Variants in PKP4 observed in about 807,000 individuals in gnomAD.
The protein encoded by PKP4 is plakophilin-4.
PKP4 carries 90 observed loss-of-function variants against 145.1 expected under a neutral mutation model. That is an observed-to-expected ratio of 0.62 (90% CI 0.52 to 0.74). The LOEUF (loss-of-function observed/expected upper bound fraction) is 0.74, where lower values mean the gene tolerates loss of function less well. Among genes scored for constraint, PKP4 ranks in the 30% least tolerant of loss-of-function variants. The probability of loss-of-function intolerance (pLI) is 0.00; values close to 1 mark genes in which losing one functional copy is unlikely to be tolerated. For missense variants in PKP4, 1,340 were observed against 1,482.7 expected (o/e 0.90, Z 1.58); for synonymous variants, 563 against 577.2 (o/e 0.98, Z 0.35).
chr2:158,562,362 G>A (rs2046605629), intron 2 of PKP4, among the ~76,000 whole-genome samples: 1 of 152,178 alleles, frequency 6.6e-6, no homozygotes, highest in Non-Finnish European at 1.5e-5. Context: ...AGGACATTAT[G>A]CTAAGTGAAA....
At chr2:158,585,651 T>C (rs2048738447) in intron 3 of PKP4, among the ~76,000 whole-genome samples, 1 of 152,158 alleles carries the variant, frequency 6.6e-6, no homozygotes, top group South Asian at 2.1e-4. Context: ...CTTTAACAGT[T>C]TATTACTTAT....
chr2:158,512,919 G>A (rs1574202203), intron 1 of PKP4, among the ~76,000 whole-genome samples: 1 of 152,230 alleles, frequency 6.6e-6, no homozygotes, highest in African/African-American at 2.4e-5. Context: ...TCAGGTGACT[G>A]TTGCCATTGT....
chr2:158,669,509 A>G (rs1266725233), intron 16 of PKP4: 1 of 386,896 alleles, frequency 2.6e-6, no homozygotes, highest in East Asian at 3.7e-5. Context: ...TAAATGAATC[A>G]TTTCTGCAAG....
At chr2:158,494,911 C>G (rs1695461366) in intron 1 of PKP4, among the ~76,000 whole-genome samples, 2 of 151,348 alleles carry the variant, frequency 1.3e-5, no homozygotes, top group South Asian at 4.2e-4. Context: ...TTTTAGTAGT[C>G]AGGAAAACTA....
chr2:158,580,518 T>C lies in PKP4; in HGVS notation c.245+3135T>C, dbSNP rs181005620. Among the ~76,000 whole-genome samples the C allele has an allele frequency of 3.9e-4, 60 of 152,330 alleles. No individual in the cohort carries two copies. In the East Asian group the frequency reaches 0.01, roughly 25 times the overall value. ...CTACTGGCTTATGAAATTGGAAAGG[T>C]GAAGCTGGCATTTAATTGTGAAGAA... On this transcript the variant is annotated intron_variant, in intron 3 of 21. Transcript: ENST00000389759.
intron 1 of PKP4, among the ~76,000 whole-genome samples, chr2:158,519,563 C>T (rs1459914001): frequency 6.6e-6 from 1 of 152,190 alleles, no homozygotes; most frequent in Non-Finnish European, 1.5e-5. Context: ...ATACTCTGAA[C>T]CTCGAGCTCT....
intron 7 of PKP4, among the ~76,000 whole-genome samples, chr2:158,626,044 T>G (rs903442612): frequency 1.3e-5 from 2 of 152,186 alleles, no homozygotes; most frequent in African/African-American, 4.8e-5. Flanking sequence ...TCCTACATGG[T>G]GTAAAGATTT....
chr2:158,651,344 A>C (rs1330660942), intron 11 of PKP4, among the ~76,000 whole-genome samples: 4 of 151,934 alleles, frequency 2.6e-5, no homozygotes, highest in Admixed American at 1.3e-4. Context: ...CTGGCTCCAA[A>C]TTCTCACTAC....
intron 1 of PKP4, among the ~76,000 whole-genome samples, chr2:158,529,739 C>CT (rs1348967055): frequency 6.6e-6 from 1 of 152,212 alleles, no homozygotes; most frequent in Non-Finnish European, 1.5e-5. Flanking sequence ...TCCCAATATG[C>CT]TGCTGAGCTA....
intron 1 of PKP4, among the ~76,000 whole-genome samples, chr2:158,470,041 C>T (rs1573956255): frequency 6.6e-6 from 1 of 152,174 alleles, no homozygotes; most frequent in African/African-American, 2.4e-5. Context: ...TTGCACATAA[C>T]TCTGCTTTGA....
Position 158,662,953 on chromosome 2 carries a change from GGT to G in PKP4, c.2270_2271del (p.Val757AlafsTer13). ...ACCTGTCCTATCGGCTGGAGCTGGAGGTGCCCCAGGCCCGGTTACTGGGACTG... is the reference window on the plus strand; with the variant it reads ...ACCTGTCCTATCGGCTGGAGCTGGAGGCCCCAGGCCCGGTTACTGGGACTG... ...RNLSYRLELE[V>X]PQARLLGLNE... is the part of the protein sequence containing the mutation. On this transcript the variant is annotated frameshift_variant, in exon 14 of 22. Transcript: ENST00000389759. LOFTEE classifies it high-confidence loss of function. The G allele has an allele frequency of 6.2e-7, 1 of 1,613,702 alleles. No individual in the cohort carries two copies. The highest frequency in any genetic ancestry group is 8.5e-7 in the Non-Finnish European group (1 of 1,179,928).
At chr2:158,472,100 A>G (rs1691661402) in intron 1 of PKP4, among the ~76,000 whole-genome samples, 2 of 152,212 alleles carry the variant, frequency 1.3e-5, no homozygotes, top group Non-Finnish European at 2.9e-5. Context: ...ATTGCACAGC[A>G]TGGTGAATAT....
chr2:158,470,127 A>G (rs1691316972), intron 1 of PKP4, among the ~76,000 whole-genome samples: 1 of 152,242 alleles, frequency 6.6e-6, no homozygotes, highest in African/African-American at 2.4e-5. Flanking sequence ...GAACTGTGTC[A>G]TAGCCATCAC....
rs2047611752 is a variant in PKP4, at chr2:158,573,834, G to A, written c.133-3437G>A. ...GGCCAAGGCCAAAGGGAGCAAATCT[G>A]GGCCTGGTCTTTATTTTCTTATCTT... On this transcript the variant is annotated intron_variant, in intron 2 of 21. Coordinates refer to ENST00000389759, the MANE Select transcript of PKP4 (RefSeq NM_003628.6). 3.3e-5 allele frequency among the ~76,000 whole-genome samples: 5 copies of A among 152,218 alleles called. No individual in the cohort carries two copies. The South Asian group carries it at 1.0e-3, about 31-fold the overall frequency.
chr2:158,586,045 A>G (rs551077080), intron 3 of PKP4, among the ~76,000 whole-genome samples: 1 of 152,114 alleles, frequency 6.6e-6, no homozygotes, highest in South Asian at 2.1e-4. Flanking sequence ...TGTGTCTGGC[A>G]TTTTTCACTT....
Position 158,621,116 on chromosome 2 carries a change from G to T in PKP4, c.407G>T (p.Ser136Ile). The T allele has an allele frequency of 1.2e-6, 2 of 1,614,170 alleles. No individual in the cohort carries two copies. Among genetic ancestry groups the T allele is most frequent in the South Asian group, 2.2e-5 (2 of 91,086 alleles). The change falls in exon 5 of 22, where the codon AGT becomes ATT. Residue 136 changes from serine (S) to isoleucine (I), a missense_variant. By Grantham distance (142) the Ser-to-Ile change is moderately radical (BLOSUM62 -2). Transcript: ENST00000389759. ...CCAGAACAGACATCTCTCCATGAAA[G>T]TGAGGGTCTGTTGTGTTATCTTTTA... ...YSPEQTSLHE[S>I]EGSLGNSRSS... is the part of the protein sequence containing the mutation.
intron 11 of PKP4, among the ~76,000 whole-genome samples, chr2:158,654,733 A>C (rs752295411): frequency 2.6e-5 from 4 of 152,156 alleles, no homozygotes; most frequent in African/African-American, 7.2e-5. Flanking sequence ...ACACTCCTGA[A>C]TACTCAGTTT....
Position 158,678,598 on chromosome 2 carries a change from C to A in PKP4, c.3274C>A (p.Pro1092Thr). Residue 1092 changes from proline (P) to threonine (T), a missense_variant, in exon 21 of 22, where the codon CCA (proline) becomes ACA (threonine). Coordinates refer to ENST00000389759, the MANE Select transcript of PKP4 (RefSeq NM_003628.6). ...GLYPGSSKPS[P>T]IYISSYSSPA... ...TCTTACAGGCTCCAGCAAACCTTCA[C>A]CAATTTACATCAGTTCCTATTCCTC... 1 of 1,610,074 alleles carries A rather than the reference C, an allele frequency of 6.2e-7. No individual in the cohort carries two copies. Among genetic ancestry groups the A allele is most frequent in the Admixed American group, 1.7e-5 (1 of 60,020 alleles).
At chr2:158,466,810 A>G (rs974611813) in intron 1 of PKP4, among the ~76,000 whole-genome samples, 1 of 152,268 alleles carries the variant, frequency 6.6e-6, no homozygotes, top group African/African-American at 2.4e-5. Context: ...AATGCTCTTT[A>G]TCATACTACT....
Sources: gnomAD v4.1 joint callset for allele counts (sites outside exome capture counted in the v4.1 genomes callset) on GRCh38, gnomAD v4.1.1 for gene constraint, MANE v1.5 for transcripts, NCBI Gene and HGNC (gene_info 2026-07-23, HGNC 2026-07-21) for gene names.